The following CANT1 variants were observed in gnomAD, a reference collection of about 807,000 sequenced individuals.
CANT1 encodes soluble calcium-activated nucleotidase 1.
A neutral mutation model predicts 30.0 loss-of-function variants in CANT1; 26 were observed. The ratio of observed to expected loss-of-function variants is 0.87; its 90% CI spans 0.64 to 1.20. The LOEUF (loss-of-function observed/expected upper bound fraction) is 1.20. CANT1 is among the 50% of genes most tolerant of loss of function. The probability of loss-of-function intolerance (pLI) is 0.00; values close to 1 mark genes in which losing one functional copy is unlikely to be tolerated. For missense variants in CANT1, 518 were observed against 563.0 expected (o/e 0.92, Z 0.81); for synonymous variants, 246 against 251.8 (o/e 0.98, Z 0.22).
rs1198106363 is a variant in CANT1 at position 78,993,570 on chromosome 17, C to T, written c.1186G>A (p.Glu396Lys). Residue 396 changes from glutamate (E) to lysine (K), a missense_variant, in exon 5 of 5, where the codon GAA (glutamate) becomes AAA (lysine). Glu to Lys is a moderately conservative substitution (Grantham distance 56, BLOSUM62 1). Coordinates refer to ENST00000392446, the MANE Select transcript of CANT1 (RefSeq NM_001159773.2). This position sits in a 1 kb window ranked among gnomAD's most constrained non-coding sequence, Gnocchi z 4.5. ...PETKIGSVKY[E>K]GIEFI is the part of the protein sequence containing the mutation. ...TTGAGTTAAATGAACTCGATGCCTT[C>T]GTATTTCACGCTTCCGATCTTGGTC... 2 of 1,614,216 alleles carry T rather than the reference C, an allele frequency of 1.2e-6. No individual in the cohort carries two copies. The highest frequency in any genetic ancestry group is 1.7e-6 in the Non-Finnish European group (2 of 1,180,046).
intron 1 of CANT1, among the ~76,000 whole-genome samples, chr17:78,999,923 G>A (rs970155930): frequency 2.6e-5 from 4 of 152,004 alleles, no homozygotes; most frequent in African/African-American, 9.7e-5. Context: ...AAAGTGCCAG[G>A]ATTACAGGTG....
chr17:79,009,404 G>A (rs1170853280), intron 1 of CANT1, among the ~76,000 whole-genome samples: 2 of 152,256 alleles, frequency 1.3e-5, no homozygotes, highest in East Asian at 3.8e-4. Context: ...TAGTCCCAGG[G>A]ATGAGGTGTC....
rs2071625927 is a variant in CANT1, at chr17:79,008,392, C to T, written c.-147+1272G>A. Among the ~76,000 whole-genome samples, 1 of 152,180 alleles carries T rather than the reference C, an allele frequency of 6.6e-6. No individual in the cohort carries two copies. Among genetic ancestry groups the T allele is most frequent in the Non-Finnish European group, 1.5e-5 (1 of 68,036 alleles). On this transcript the variant is annotated intron_variant, in intron 1 of 4. Coordinates refer to ENST00000392446, the MANE Select transcript of CANT1 (RefSeq NM_001159773.2). This position sits in a 1 kb window ranked among gnomAD's most constrained non-coding sequence, Gnocchi z 4.4. ...GCGGATCCTGAAGGGCTGCGGCACC[C>T]GCTTCCTTTTAGGAGCCTTCTACGA...
chr17:78,997,424 CG>C lies in CANT1; in HGVS notation c.198del (p.Gly67AlafsTer63). 1 of 1,338,794 alleles carries C rather than the reference CG, an allele frequency of 7.5e-7. No individual in the cohort carries two copies. The highest frequency in any genetic ancestry group is 1.0e-6 in the Non-Finnish European group (1 of 991,446). 82.9% of individuals were successfully genotyped at this position (1,338,794 alleles called of 1,614,324 possible). ...TGTGCATTGTGGGTGGGGGGCCTGC[CG>C]GGGGCCGGGCGGTGGGAGCAGAGCA... ...LWLLCSHRPA[P>X]GRPPTHNAHN... On this transcript the variant is annotated frameshift_variant, in exon 3 of 5. Transcript: ENST00000392446. LOFTEE classifies it high-confidence loss of function. This position sits in a 1 kb window ranked among gnomAD's most constrained non-coding sequence, Gnocchi z 7.5.
In CANT1 at chr17:79,002,937, G is replaced by A. The variant is rs1157409938; in HGVS notation, c.-146-4974C>T. 1.3e-5 allele frequency among the ~76,000 whole-genome samples: 2 copies of A among 151,784 alleles called. No individual in the cohort carries two copies. The highest frequency in any genetic ancestry group is 2.9e-5 in the Non-Finnish European group (2 of 67,960). On this transcript the variant is annotated intron_variant, in intron 1 of 4. Coordinates refer to ENST00000392446, the MANE Select transcript of CANT1 (RefSeq NM_001159773.2). The surrounding 1 kb of genome is among the most constrained non-coding windows in gnomAD (Gnocchi z 4.0). ...TCCTGGCATCTACACCGTGGCACAC[G>A]CTCCCCACCCGGGAGGCTCATGTCC...
chr17:78,993,821 T>C lies in CANT1; in HGVS notation c.935A>G (p.Asp312Gly). 6.2e-7 allele frequency: 1 copy of C among 1,606,288 alleles called. No individual in the cohort carries two copies. The highest frequency in any genetic ancestry group is 8.5e-7 in the Non-Finnish European group (1 of 1,177,278). ...CAGCAGGTTGGCGCCCTTGCGCTCG[T>C]CGTCCTTCTCGCTGTAGCGCTCCTG... ...ASQERYSEKD[D>G]ERKGANLLLS... The change falls in exon 5 of 5, where the codon GAC becomes GGC. Residue 312 changes from aspartate (D) to glycine (G), a missense_variant. Physicochemically the swap from Asp to Gly is moderately conservative, Grantham distance 94. Around this residue, in one of 3 missense-constraint regions of CANT1, gnomAD observed 221 missense variants for 211.8 expected, o/e 1.04. Transcript: ENST00000392446. The surrounding 1 kb of genome is among the most constrained non-coding windows in gnomAD (Gnocchi z 4.5).
At chr17:79,007,596 A>G (rs970520063) in intron 1 of CANT1, among the ~76,000 whole-genome samples, 24 of 152,256 alleles carry the variant, frequency 1.6e-4, no homozygotes, top group Admixed American at 1.2e-3. Flanking sequence ...ACAGGCACAC[A>G]CACCTCGAAA....
rs2071315633 is a variant in CANT1, at chr17:79,002,866, C to G, written c.-146-4903G>C. Among the ~76,000 whole-genome samples the G allele has an allele frequency of 6.6e-6, 1 of 152,242 alleles. No homozygotes were observed. Among genetic ancestry groups the G allele is most frequent in the African/African-American group, 2.4e-5 (1 of 41,460 alleles). ...CCCCCTGCACTCCCAGGAGCAGGAC[C>G]TCTCCCAGGTCGCTGTGCAACACTG... On this transcript the variant is annotated intron_variant, in intron 1 of 4. Coordinates refer to ENST00000392446, the MANE Select transcript of CANT1 (RefSeq NM_001159773.2). The surrounding 1 kb of genome is among the most constrained non-coding windows in gnomAD (Gnocchi z 4.0).
In CANT1 at chr17:78,992,547, A is replaced by G. The variant is rs932188190; in HGVS notation, c.*1003T>C. 5.2e-6 allele frequency: 2 copies of G among 381,694 alleles called. No homozygotes were observed. Among genetic ancestry groups the G allele is most frequent in the South Asian group, 2.6e-5 (1 of 38,828 alleles). The allele number at this position is 381,694 out of a possible 1,614,324, so 23.6% of individuals were successfully genotyped here. On this transcript the variant is annotated 3_prime_UTR_variant, in exon 5 of 5. Transcript: ENST00000392446. ...AAGAGGAGAAATAAAGGCCATGGAA[A>G]GAAACCCCAGGGAAGAGACAGGCCT...
chr17:79,000,731 T>C (rs951175201), intron 1 of CANT1, among the ~76,000 whole-genome samples: 1 of 152,148 alleles, frequency 6.6e-6, no homozygotes, highest in Non-Finnish European at 1.5e-5. Context: ...CCTGGAACAG[T>C]CGGGCCTGCT....
chr17:78,997,056 C>G lies in CANT1; in HGVS notation c.567G>C (p.Gln189His). 6.2e-7 allele frequency: 1 copy of G among 1,614,214 alleles called. No individual in the cohort carries two copies. ...SVDDRTGVVY[Q>H]IEGSKAVPWV... ...AGGGCACGGCTTTGCTGCCTTCGAT[C>G]TGGTAGACGACCCCCGTCCGGTCAT... Residue 189 changes from glutamine (Q) to histidine (H), a missense_variant, in exon 3 of 5, where the codon CAG (glutamine) becomes CAC (histidine). Gln to His is a conservative substitution (Grantham distance 24, BLOSUM62 0). This residue lies in a region of CANT1 where 249 missense variants were observed against 268.8 expected (regional missense o/e 0.93). Coordinates refer to ENST00000392446, the MANE Select transcript of CANT1 (RefSeq NM_001159773.2). The surrounding 1 kb of genome is among the most constrained non-coding windows in gnomAD (Gnocchi z 7.5).
chr17:78,997,786 G>A lies in CANT1; in HGVS notation c.-23+54C>T. 2 of 634,144 alleles carry A rather than the reference G, an allele frequency of 3.2e-6. No individual in the cohort carries two copies. The highest frequency in any genetic ancestry group is 7.2e-5 in the South Asian group (2 of 27,618). The allele number at this position is 634,144 out of a possible 1,614,324, so 39.3% of individuals were successfully genotyped here. A position where few individuals can be genotyped will look rare whatever the true frequency, so the allele number is the denominator to read the frequency against. On this transcript the variant is annotated intron_variant, in intron 2 of 4. Coordinates refer to ENST00000392446, the MANE Select transcript of CANT1 (RefSeq NM_001159773.2). The surrounding 1 kb of genome is among the most constrained non-coding windows in gnomAD (Gnocchi z 7.5). ...ACTCTGTGGCCATTCTTACTCCCTTGGCTTAATGAATTCCCGACTCTAGAT... is the reference window on the plus strand; with the variant it reads ...ACTCTGTGGCCATTCTTACTCCCTTAGCTTAATGAATTCCCGACTCTAGAT...
chr17:78,993,498 G>C lies in CANT1; in HGVS notation c.*52C>G. On this transcript the variant is annotated 3_prime_UTR_variant, in exon 5 of 5. Transcript: ENST00000392446. This position sits in a 1 kb window ranked among gnomAD's most constrained non-coding sequence, Gnocchi z 4.5. ...AACAAAACAAAAGTGCACTCCTCTT[G>C]TTTTTATAAAAGCTGAGTCCTGATG... The C allele has an allele frequency of 6.2e-7, 1 of 1,613,268 alleles. No individual in the cohort carries two copies. The highest frequency in any genetic ancestry group is 1.1e-5 in the South Asian group (1 of 90,780).
chr17:79,000,088 AC>A lies in CANT1; in HGVS notation c.-146-2126del, dbSNP rs554137625. On this transcript the variant is annotated intron_variant, in intron 1 of 4. Transcript: ENST00000392446. ...TGGGATCACAGGTGCGAGCACCCGC[AC>A]CCCCCCTTACCTGCATTTCTGACAT... The A allele has an allele frequency of 1.2e-4, 18 of 152,208 alleles. No individual in the cohort carries two copies. The South Asian group carries it at 2.3e-3, about 19-fold the overall frequency. 9.4% of individuals were successfully genotyped at this position (152,208 alleles called of 1,614,324 possible).
Position 78,992,023 on chromosome 17 carries a change from A to G in CANT1, c.*1527T>C. The G allele has an allele frequency of 1.3e-5, 3 of 231,626 alleles. No homozygotes were observed. The highest frequency in any genetic ancestry group is 1.7e-5 in the Non-Finnish European group (2 of 117,012). 14.3% of individuals were successfully genotyped at this position (231,626 alleles called of 1,614,324 possible). ...GGACAATGATCTAGGAGGCGGGTCA[A>G]GGAGACAGCCAGGCAAAGTCAGAAC... On this transcript the variant is annotated 3_prime_UTR_variant, in exon 5 of 5. Transcript: ENST00000392446.
intron 1 of CANT1, among the ~76,000 whole-genome samples, chr17:79,007,308 T>C (rs2071587553): frequency 6.6e-6 from 1 of 152,248 alleles, no homozygotes. Flanking sequence ...TCATAAGAGC[T>C]TTCCAGGAAA....
At chr17:78,999,479 G>A (rs1196979140) in intron 1 of CANT1, among the ~76,000 whole-genome samples, 1 of 152,062 alleles carries the variant, frequency 6.6e-6, no homozygotes, top group African/African-American at 2.4e-5. Flanking sequence ...TGCCAATCCC[G>A]CCTACATTTC....
Position 78,996,887 on chromosome 17 carries a change from G to T in CANT1, c.631+105C>A. 2 of 1,489,490 alleles carry T rather than the reference G, an allele frequency of 1.3e-6. No homozygotes were observed. Among genetic ancestry groups the T allele is most frequent in the Non-Finnish European group, 1.9e-6 (2 of 1,079,092 alleles). 92.3% of individuals were successfully genotyped at this position (1,489,490 alleles called of 1,614,324 possible). ...AGACGTGCTCCCTCACCACATCCCTGGCTTCTAGGTGTGTGAATTCTTTAC... is the reference window on the plus strand; with the variant it reads ...AGACGTGCTCCCTCACCACATCCCTTGCTTCTAGGTGTGTGAATTCTTTAC... On this transcript the variant is annotated intron_variant, in intron 3 of 4. Coordinates refer to ENST00000392446, the MANE Select transcript of CANT1 (RefSeq NM_001159773.2). The surrounding 1 kb of genome is among the most constrained non-coding windows in gnomAD (Gnocchi z 5.1).
rs1421087796 is a variant in CANT1, at chr17:78,993,019, G to A, written c.*531C>T. 3 of 320,000 alleles carry A rather than the reference G, an allele frequency of 9.4e-6. No homozygotes were observed. The highest frequency in any genetic ancestry group is 5.9e-6 in the Non-Finnish European group (1 of 168,866). 19.8% of individuals were successfully genotyped at this position (320,000 alleles called of 1,614,324 possible). A position where few individuals can be genotyped will look rare whatever the true frequency, so the allele number is the denominator to read the frequency against. On this transcript the variant is annotated 3_prime_UTR_variant, in exon 5 of 5. Transcript: ENST00000392446. The surrounding 1 kb of genome is among the most constrained non-coding windows in gnomAD (Gnocchi z 4.5). ...CAGCTGTGGGCAGATGTGTCCCCAG[G>A]GGCCTGCCCTCACTCGTGACCATGC...
Sources: gnomAD v4.1 joint callset for allele counts (sites outside exome capture counted in the v4.1 genomes callset) on GRCh38, gnomAD v4.1.1 for gene constraint, gnomAD v4.1.1 regional missense constraint, Gnocchi (gnomAD v3.1) non-coding constraint, MANE v1.5 for transcripts, NCBI Gene and HGNC (gene_info 2026-07-23, HGNC 2026-07-21) for gene names.